Variants in PMCH observed in about 807,000 individuals in gnomAD.
PMCH encodes the protein pro-melanin concentrating hormone.
Under a neutral mutation model 15.9 loss-of-function variants are expected in PMCH, and 8 were observed. The ratio of observed to expected loss-of-function variants is 0.50; its 90% CI spans 0.29 to 0.91. The LOEUF is 0.91. Ranked by LOEUF, PMCH falls within the 40% of genes least tolerant of loss-of-function variation. The probability of loss-of-function intolerance (pLI) is 0.07; values close to 1 mark genes in which losing one functional copy is unlikely to be tolerated. For synonymous variants in PMCH, 73 were observed against 63.8 expected, an observed-to-expected ratio of 1.14 and a Z score of -0.69; for missense variants, 169 against 185.7, an observed-to-expected ratio of 0.91 and a Z score of 0.52.
Position 102,196,659 on chromosome 12 carries a change from T to TG in PMCH, c.490dup (p.Gln164ProfsTer16), listed in dbSNP as rs1389289241. The stretch of plus-strand genomic sequence containing the variant: ...GATGTGGACCAACAGGTATCAGACT[T>TG]GCCAACAAGGTCGGTAGACTCTTCC... On this transcript the variant is annotated frameshift_variant, in exon 3 of 3. Transcript: ENST00000329406. LOFTEE classifies it high-confidence loss of function. 6.2e-7 allele frequency: 1 copy of TG among 1,609,724 alleles called. No individual in the cohort carries two copies. The highest frequency in any genetic ancestry group is 1.1e-5 in the South Asian group (1 of 90,952).
rs778257717 is a variant in PMCH at position 102,197,125 on chromosome 12, T to G, written c.296A>C (p.Asn99Thr). The G allele has an allele frequency of 5.6e-6, 9 of 1,612,348 alleles. No individual in the cohort carries two copies. Among genetic ancestry groups the G allele is most frequent in the Non-Finnish European group, 7.6e-6 (9 of 1,178,710 alleles). Residue 99 changes from asparagine to threonine, a missense_variant, in exon 2 of 3, where the codon AAT (asparagine) becomes ACT (threonine). Physicochemically the swap from Asn to Thr is moderately conservative, Grantham distance 65. Transcript: ENST00000329406. Reference protein sequence around the residue: ...HNFLNHGLPLNLAIKPYLALK... With the variant: ...HNFLNHGLPLTLAIKPYLALK... ...TGCAAGATAAGGTTTTATAGCCAGATTCAGTGGCAGACCATGATTTAAGAA... is the reference window on the plus strand; with the variant it reads ...TGCAAGATAAGGTTTTATAGCCAGAGTCAGTGGCAGACCATGATTTAAGAA...
rs1045202651 is a variant in PMCH at position 102,197,743 on chromosome 12, T to C, written c.28A>G (p.Ile10Val). ...AACAAAGAAAAAGTTAGTATTAATA[T>C]ATAGGAAGAGAGATTCATTTTTGCC... is the stretch of plus-strand genomic sequence containing the variant. The part of the protein sequence containing the change: MAKMNLSSY[I>V]LILTFSLFSQ... Residue 10 changes from isoleucine (I) to valine (V), a missense_variant, in exon 1 of 3, where the codon ATA becomes GTA. By Grantham distance (29) the Ile-to-Val change is conservative. Transcript: ENST00000329406. 1.3e-6 allele frequency: 2 copies of C among 1,594,716 alleles called. No individual in the cohort carries two copies. The highest frequency in any genetic ancestry group is 1.7e-6 in the Non-Finnish European group (2 of 1,167,338).
rs1891375232 is a variant in PMCH at position 102,197,074 on chromosome 12, G to A, written c.347C>T (p.Ala116Val). ...TTCAGTATTCTGAACTCCATTCTCA[G>A]CTGGGAAAGCTACAGATCCTTTTAG... ...LALKGSVAFPAENGVQNTEST... is the reference protein window; with the variant it reads ...LALKGSVAFPVENGVQNTEST... Residue 116 changes from alanine to valine, a missense_variant, in exon 2 of 3, where the codon GCT becomes GTT. By Grantham distance (64) the Ala-to-Val change is moderately conservative. Transcript: ENST00000329406. The A allele has an allele frequency of 6.2e-7, 1 of 1,611,866 alleles. No individual in the cohort carries two copies. The highest frequency in any genetic ancestry group is 2.2e-5 in the East Asian group (1 of 44,788).
intron 1 of PMCH, 152 bp downstream of exon 1, chr12:102,197,370 G>T: frequency 1.2e-6 from 1 of 816,296 alleles, no homozygotes; most frequent in Non-Finnish European, 1.9e-6. Context: ...GAACTACCTG[G>T]CATGTAAGAA....
In PMCH at chr12:102,197,177, A is replaced by G. The variant is rs753883149; in HGVS notation, c.250-6T>C. ...TTATGTTTGGAGCCTGTGTTCTGTA[A>G]AGAGAAGGTTGATTTGGTTTTTAGC... On this transcript the variant is annotated splice_region_variant and splice_polypyrimidine_tract_variant and intron_variant, in intron 1 of 2. Transcript: ENST00000329406. 6.2e-7 allele frequency: 1 copy of G among 1,607,520 alleles called. No individual in the cohort carries two copies. Among genetic ancestry groups the G allele is most frequent in the East Asian group, 2.2e-5 (1 of 44,756 alleles).
Position 102,197,772 on chromosome 12 carries a change from C to CTTAGTTTGATG in PMCH, c.-13_-3dup. 6.4e-7 allele frequency: 1 copy of CTTAGTTTGATG among 1,571,894 alleles called. No individual in the cohort carries two copies. ...GGAAGAGAGATTCATTTTTGCCATT[C>CTTAGTTTGATG]TTAGTTTGATGTTTGCATACAGTCA... On this transcript the variant is annotated 5_prime_UTR_variant, in exon 1 of 3. Transcript: ENST00000329406.
Position 102,197,832 on chromosome 12 carries a change from C to T in PMCH, c.-62G>A. The T allele has an allele frequency of 8.2e-7, 1 of 1,216,104 alleles. No homozygotes were observed. Among genetic ancestry groups the T allele is most frequent in the Non-Finnish European group, 1.1e-6 (1 of 883,722 alleles). The allele number at this position is 1,216,104 out of a possible 1,614,324, so 75.3% of individuals were successfully genotyped here. On this transcript the variant is annotated 5_prime_UTR_variant, in exon 1 of 3. Transcript: ENST00000329406. ...GAAAATGAAAAATTTCTCTGTCAGC[C>T]TGCTTGGTAAACGATTCTGTATCTT...
At chr12:102,197,288 T>C (rs1891397377) in intron 1 of PMCH, 117 bp from the exon 2 acceptor site, 1 of 954,878 alleles carries the variant, frequency 1.0e-6, no homozygotes, top group Non-Finnish European at 1.5e-6. Context: ...TTTTGACTTT[T>C]TAAAAATACC....
Position 102,197,754 on chromosome 12 carries a change from A to C in PMCH, c.17T>G (p.Leu6Arg). Reference protein sequence around the residue: MAKMNLSSYILILTFS... With the variant: MAKMNRSSYILILTFS... ...AGTTAGTATTAATATATAGGAAGAG[A>C]GATTCATTTTTGCCATTCTTAGTTT... Residue 6 changes from leucine to arginine, a missense_variant, in exon 1 of 3, where the codon CTC (leucine) becomes CGC (arginine). Physicochemically the swap from Leu to Arg is moderately radical, Grantham distance 102 (BLOSUM62 -2). Transcript: ENST00000329406. 6.3e-7 allele frequency: 1 copy of C among 1,583,488 alleles called. No homozygotes were observed. The highest frequency in any genetic ancestry group is 8.6e-7 in the Non-Finnish European group (1 of 1,164,310).
chr12:102,197,477 T>G (rs1891414547), intron 1 of PMCH, 45 bp downstream of exon 1: 3 of 1,530,002 alleles, frequency 2.0e-6, no homozygotes, highest in Middle Eastern at 2.1e-4. Flanking sequence ...GTAAGAATCA[T>G]TTAAATTTTC....
At chr12:102,196,951 G>A (rs778904142) in intron 2 of PMCH, 22 bp downstream of exon 2, 2 of 1,578,140 alleles carry the variant, frequency 1.3e-6, no homozygotes, top group Non-Finnish European at 1.7e-6. Context: ...TGTAAGAATT[G>A]AATTTTGAAA....
chr12:102,197,357 G>T, intron 1 of PMCH, 165 bp downstream of exon 1: 2 of 802,534 alleles, frequency 2.5e-6, no homozygotes, highest in Non-Finnish European at 3.9e-6. Flanking sequence ...TGCTGGGATG[G>T]AAGAACTACC....
At position 102,196,488 on chromosome 12, in the gene PMCH, A is replaced by G. The variant is rs1044246185; in HGVS notation, c.*164T>C. ...GCAGAATTTTCACAAAGTTTAATGC[A>G]CAGAGAAAGCATATCATTTCAGTTA... On this transcript the variant is annotated 3_prime_UTR_variant, in exon 3 of 3. Coordinates refer to ENST00000329406, the MANE Select transcript of PMCH (RefSeq NM_002674.4). The G allele has an allele frequency of 1.5e-5, 11 of 739,186 alleles. No homozygotes were observed. Among genetic ancestry groups the G allele is most frequent in the East Asian group, 2.5e-5 (1 of 40,666 alleles). The allele number at this position is 739,186 out of a possible 1,614,324, so 45.8% of individuals were successfully genotyped here. A position where few individuals can be genotyped will look rare whatever the true frequency, so the allele number is the denominator to read the frequency against.
rs1325319411 is a variant in PMCH at position 102,197,121 on chromosome 12, C to G, written c.300G>C (p.Leu100=). The change falls in exon 2 of 3, where the codon CTG becomes CTC. Residue 100 remains leucine (L), a synonymous_variant. Transcript: ENST00000329406. ...NFLNHGLPLN[L]AIKPYLALKG... is the part of the protein sequence containing the mutation. The stretch of plus-strand genomic sequence containing the variant: ...TTAGTGCAAGATAAGGTTTTATAGC[C>G]AGATTCAGTGGCAGACCATGATTTA... The G allele has an allele frequency of 6.2e-7, 1 of 1,612,204 alleles. No individual in the cohort carries two copies. Among genetic ancestry groups the G allele is most frequent in the Non-Finnish European group, 8.5e-7 (1 of 1,178,686 alleles).
In PMCH at chr12:102,197,154, A is replaced by G; in HGVS notation, c.267T>C (p.His89=). 6.2e-7 allele frequency: 1 copy of G among 1,611,764 alleles called. No homozygotes were observed. The highest frequency in any genetic ancestry group is 2.2e-5 in the East Asian group (1 of 44,788). The change falls in exon 2 of 3, where the codon CAT becomes CAC. Residue 89 remains histidine (H), a synonymous_variant. Transcript: ENST00000329406. ...GTGGCAGACCATGATTTAAGAAATT[A>G]TGTTTGGAGCCTGTGTTCTGTAAAG... ...NKVSKNTGSK[H]NFLNHGLPLN...
intron 1 of PMCH, 58 bp from the exon 2 acceptor site, chr12:102,197,229 A>G: frequency 1.6e-6 from 2 of 1,284,084 alleles, no homozygotes; most frequent in Non-Finnish European, 2.2e-6. Context: ...GAACTATAAT[A>G]CAATTGTATA....
At position 102,196,715 on chromosome 12, in the gene PMCH, A is replaced by G. The variant is rs1891341573; in HGVS notation, c.449-14T>C. ...TACATCTGAGCACTGAAGGAAGAAGAAAGTTTAAATTGTTTAAAGGACTAT... is the reference window on the plus strand; with the variant it reads ...TACATCTGAGCACTGAAGGAAGAAGGAAGTTTAAATTGTTTAAAGGACTAT... On this transcript the variant is annotated splice_polypyrimidine_tract_variant and intron_variant, in intron 2 of 2. Coordinates refer to ENST00000329406, the MANE Select transcript of PMCH (RefSeq NM_002674.4). 1 of 1,601,994 alleles carries G rather than the reference A, an allele frequency of 6.2e-7. No individual in the cohort carries two copies. The highest frequency in any genetic ancestry group is 2.2e-5 in the East Asian group (1 of 44,764).
chr12:102,196,915 C>A (rs1891360889), intron 2 of PMCH, 58 bp downstream of exon 2: 1 of 1,421,644 alleles, frequency 7.0e-7, no homozygotes, highest in Non-Finnish European at 9.8e-7. Flanking sequence ...CACTTTAACT[C>A]AGAGTTCTGT....
Position 102,197,126 on chromosome 12 carries a change from T to G in PMCH, c.295A>C (p.Asn99His). ...HNFLNHGLPL[N>H]LAIKPYLALK... Reference sequence around the variant, plus strand: ...GCAAGATAAGGTTTTATAGCCAGATTCAGTGGCAGACCATGATTTAAGAAA... The same window carrying G: ...GCAAGATAAGGTTTTATAGCCAGATGCAGTGGCAGACCATGATTTAAGAAA... Residue 99 changes from asparagine to histidine, a missense_variant, in exon 2 of 3, where the codon AAT becomes CAT. Coordinates refer to ENST00000329406, the MANE Select transcript of PMCH (RefSeq NM_002674.4). 1 of 1,612,312 alleles carries G rather than the reference T, an allele frequency of 6.2e-7. No individual in the cohort carries two copies. The highest frequency in any genetic ancestry group is 8.5e-7 in the Non-Finnish European group (1 of 1,178,712).
Sources: gnomAD v4.1 joint callset for allele counts on GRCh38, gnomAD v4.1.1 for gene constraint, MANE v1.5 for transcripts, NCBI Gene and HGNC (gene_info 2026-07-23, HGNC 2026-07-21) for gene names.